The following SV2B variants were observed in gnomAD, a reference collection of about 807,000 sequenced individuals.
SV2B encodes the protein solute carrier family 22 member B2.
In SV2B, 41 loss-of-function variants were observed where a neutral mutation model predicts 73.9. The observed-to-expected ratio is 0.56, with a 90% CI of 0.43 to 0.72. SV2B has a LOEUF of 0.72. SV2B is among the 30% of genes least tolerant of loss of function. The pLI is 0.00. For missense variants in SV2B, 764 were observed against 857.8 expected (o/e 0.89, Z 1.37); for synonymous variants, 314 against 314.2 (o/e 1.00, Z 0.01).
rs1034107278 is a variant in SV2B at position 91,129,772 on chromosome 15, G to T, written c.-392+29409G>T. On this transcript the variant is annotated intron_variant, in intron 1 of 12. Coordinates refer to ENST00000394232, the MANE Select transcript of SV2B (RefSeq NM_001323032.3). The surrounding 1 kb of genome is among the most constrained non-coding windows in gnomAD (Gnocchi z 5.1). The stretch of plus-strand genomic sequence containing the variant: ...CTGTGCCCTGGAGTTGGAGAGCCTG[G>T]ATTAGAATCCCAGCCCTGCCACTTA... Among the ~76,000 whole-genome samples the T allele has an allele frequency of 3.3e-5, 5 of 152,316 alleles. No homozygotes were observed. Among genetic ancestry groups the T allele is most frequent in the African/African-American group, 1.2e-4 (5 of 41,558 alleles).
rs1366637627 is a variant in SV2B, at chr15:91,224,372, G to A, written c.-391-1501G>A. 6.6e-6 allele frequency among the ~76,000 whole-genome samples: 1 copy of A among 152,106 alleles called. No homozygotes were observed. The highest frequency in any genetic ancestry group is 2.4e-5 in the African/African-American group (1 of 41,418). On this transcript the variant is annotated intron_variant, in intron 1 of 12. Coordinates refer to ENST00000394232, the MANE Select transcript of SV2B (RefSeq NM_001323032.3). The surrounding 1 kb of genome is among the most constrained non-coding windows in gnomAD (Gnocchi z 4.9). ...TGAGGTCCGAGCATTATCCCTATCA[G>A]AGGGTCCAGCAGCTGGGAGCACTGG...
intron 9 of SV2B, among the ~76,000 whole-genome samples, chr15:91,278,604 G>T (rs1289948753): frequency 7.7e-6 from 1 of 130,184 alleles, no homozygotes; most frequent in African/African-American, 3.4e-5. Flanking sequence ...GCGTGAACCC[G>T]GGAAGCGGAG....
In SV2B at chr15:91,129,735, G is replaced by A. The variant is rs889581489; in HGVS notation, c.-392+29372G>A. Among the ~76,000 whole-genome samples, 5 of 152,194 alleles carry A rather than the reference G, an allele frequency of 3.3e-5. No individual in the cohort carries two copies. The highest frequency in any genetic ancestry group is 9.7e-5 in the African/African-American group (4 of 41,450). On this transcript the variant is annotated intron_variant, in intron 1 of 12. Coordinates refer to ENST00000394232, the MANE Select transcript of SV2B (RefSeq NM_001323032.3). The surrounding 1 kb of genome is among the most constrained non-coding windows in gnomAD (Gnocchi z 5.1). Reference sequence around the variant, plus strand: ...CTGTGGATGGAGGCAGTATAACTTCGTGGCTTCTGGCCTGTGCCCTGGAGT... The same window carrying A: ...CTGTGGATGGAGGCAGTATAACTTCATGGCTTCTGGCCTGTGCCCTGGAGT...
At chr15:91,158,606 GA>G (rs2043571321) in intron 1 of SV2B, among the ~76,000 whole-genome samples, 1 of 146,414 alleles carries the variant, frequency 6.8e-6, no homozygotes, top group East Asian at 2.1e-4. Flanking sequence ...AAGGCCTAGA[GA>G]AAGGGTGGCC....
At chr15:91,244,131 G>A (rs1567384639) in intron 2 of SV2B, among the ~76,000 whole-genome samples, 1 of 152,108 alleles carries the variant, frequency 6.6e-6, no homozygotes, top group Non-Finnish European at 1.5e-5. Context: ...TAATAATTGT[G>A]GTCAGAGAGG....
At chr15:91,246,155 G>A (rs1015595167) in intron 2 of SV2B, among the ~76,000 whole-genome samples, 1 of 152,000 alleles carries the variant, frequency 6.6e-6, no homozygotes, top group Non-Finnish European at 1.5e-5. Context: ...TTGGAAGCTG[G>A]CTTCTTCTCC....
intron 2 of SV2B, among the ~76,000 whole-genome samples, chr15:91,228,303 C>T (rs540519555): frequency 6.6e-6 from 1 of 152,214 alleles, no homozygotes; most frequent in South Asian, 2.1e-4. Context: ...TAAACACCAA[C>T]ATAATTTTAG....
intron 1 of SV2B, among the ~76,000 whole-genome samples, chr15:91,191,063 C>CTTTTTTTTTT (rs59849012): frequency 9.3e-5 from 6 of 64,240 alleles, no homozygotes; most frequent in Non-Finnish European, 1.6e-4. Context: ...TTTGGTGTTT[C>CTTTTTTTTTT]TTTTTTTTTT....
Position 91,132,694 on chromosome 15 carries a change from T to A in SV2B, c.-392+32331T>A, listed in dbSNP as rs186643518. On this transcript the variant is annotated intron_variant, in intron 1 of 12. Transcript: ENST00000394232. The surrounding 1 kb of genome is among the most constrained non-coding windows in gnomAD (Gnocchi z 4.6). Reference sequence around the variant, plus strand: ...GTTTTTTGCCTCCAGACCCTATTTCTCCTGCCTCAGTGGCACATGCCTGTA... The same window carrying A: ...GTTTTTTGCCTCCAGACCCTATTTCACCTGCCTCAGTGGCACATGCCTGTA... 2.6e-4 allele frequency among the ~76,000 whole-genome samples: 40 copies of A among 152,142 alleles called. No individual in the cohort carries two copies. The highest frequency in any genetic ancestry group is 9.4e-4 in the African/African-American group (39 of 41,464).
Position 91,267,394 on chromosome 15 carries a change from T to A in SV2B, c.1120-161T>A, listed in dbSNP as rs1427030976. On this transcript the variant is annotated intron_variant, in intron 7 of 12. Transcript: ENST00000394232. The surrounding 1 kb of genome is among the most constrained non-coding windows in gnomAD (Gnocchi z 4.3). ...GTAGGAAGAGAAGAGGCTTTCCTTGTTATTTGGACAGTTTTGCTGCCTCTA... is the reference window on the plus strand; with the variant it reads ...GTAGGAAGAGAAGAGGCTTTCCTTGATATTTGGACAGTTTTGCTGCCTCTA... 3.9e-5 allele frequency among the ~76,000 whole-genome samples: 6 copies of A among 152,168 alleles called. No homozygotes were observed. The highest frequency in any genetic ancestry group is 1.3e-4 in the Admixed American group (2 of 15,272).
At position 91,135,003 on chromosome 15, in the gene SV2B, T is replaced by A. The variant is rs555187273; in HGVS notation, c.-392+34640T>A. ...TAACAGTATTTCTCAACCTTTTTTT[T>A]TTTTTTTTTATTTTGAGACAGGGTC... On this transcript the variant is annotated intron_variant, in intron 1 of 12. Transcript: ENST00000394232. 2.2e-3 allele frequency among the ~76,000 whole-genome samples: 332 copies of A among 151,968 alleles called. 1 individual carries two copies. Among genetic ancestry groups the A allele is most frequent in the African/African-American group, 7.8e-3 (323 of 41,424 alleles).
rs1174792053 is a variant in SV2B at position 91,140,576 on chromosome 15, C to T, written c.-392+40213C>T. 1.3e-5 allele frequency among the ~76,000 whole-genome samples: 2 copies of T among 152,114 alleles called. No individual in the cohort carries two copies. The highest frequency in any genetic ancestry group is 2.9e-5 in the Non-Finnish European group (2 of 68,018). On this transcript the variant is annotated intron_variant, in intron 1 of 12. Coordinates refer to ENST00000394232, the MANE Select transcript of SV2B (RefSeq NM_001323032.3). This position sits in a 1 kb window ranked among gnomAD's most constrained non-coding sequence, Gnocchi z 4.4. ...TCATTAGGTCTGCTTCCATTTAACC[C>T]GAGGCCTGAGGAGTAGCCCATTGCT...
At chr15:91,165,438 A>G (rs568014873) in intron 1 of SV2B, among the ~76,000 whole-genome samples, 31 of 152,356 alleles carry the variant, frequency 2.0e-4, no homozygotes, top group African/African-American at 7.0e-4. Context: ...CAATTTACAT[A>G]GCACTTATAT....
intron 4 of SV2B, among the ~76,000 whole-genome samples, chr15:91,254,360 C>A (rs2047605646): frequency 6.6e-6 from 1 of 151,858 alleles, no homozygotes; most frequent in Admixed American, 6.6e-5. Context: ...TCTCAGACAC[C>A]CAAGTAGCTG....
intron 1 of SV2B, among the ~76,000 whole-genome samples, chr15:91,148,954 C>T (rs1009300695): frequency 6.6e-6 from 1 of 152,230 alleles, no homozygotes; most frequent in Non-Finnish European, 1.5e-5. Context: ...TCCAGAAACA[C>T]CATCACAGAC....
chr15:91,205,370 C>CTT (rs869061452), intron 1 of SV2B, among the ~76,000 whole-genome samples: 3 of 142,828 alleles, frequency 2.1e-5, no homozygotes, highest in Admixed American at 7.0e-5. Flanking sequence ...GATAACATTT[C>CTT]TTTTTTTTTT....
intron 9 of SV2B, among the ~76,000 whole-genome samples, chr15:91,269,683 A>G (rs1188807764): frequency 1.3e-5 from 2 of 152,170 alleles, no homozygotes; most frequent in African/African-American, 4.8e-5. Context: ...TTTATTCTAT[A>G]TTGTTCTTAC....
chr15:91,213,303 T>G (rs1278845658), intron 1 of SV2B, among the ~76,000 whole-genome samples: 2 of 152,194 alleles, frequency 1.3e-5, no homozygotes, highest in Non-Finnish European at 2.9e-5. Context: ...TACTTTCCAG[T>G]GAGATACCTA....
intron 1 of SV2B, among the ~76,000 whole-genome samples, chr15:91,181,538 C>T (rs1199123047): frequency 1.3e-5 from 2 of 151,880 alleles, no homozygotes; most frequent in Non-Finnish European, 2.9e-5. Context: ...ACCATGACTC[C>T]TACATGAAAG....
Sources: gnomAD v4.1 joint callset for allele counts (sites outside exome capture counted in the v4.1 genomes callset) on GRCh38, gnomAD v4.1.1 for gene constraint, Gnocchi (gnomAD v3.1) non-coding constraint, MANE v1.5 for transcripts, NCBI Gene and HGNC (gene_info 2026-07-23, HGNC 2026-07-21) for gene names.